Variants in RASA2 observed in about 807,000 individuals in gnomAD.
RASA2 encodes the protein ras GTPase-activating protein 2.
RASA2 carries 155 observed loss-of-function variants against 118.2 expected under a neutral mutation model. That is an observed-to-expected ratio of 1.31 (90% CI 1.15 to 1.50). The LOEUF (loss-of-function observed/expected upper bound fraction) is 1.50, where lower values mean the gene tolerates loss of function less well. Among genes scored for constraint, RASA2 ranks in the 40% most tolerant of loss-of-function variants. The pLI, the probability that RASA2 is intolerant of heterozygous loss-of-function variation, is 0.00. For missense variants in RASA2, 1,016 were observed against 1,009.6 expected (o/e 1.01, Z -0.09); for synonymous variants, 353 against 349.1 (o/e 1.01, Z -0.12).
At chr3:141,610,173 G>A (rs924926776) in intron 23 of RASA2, 107 bp downstream of exon 23, 26 of 928,518 alleles carry the variant, frequency 2.8e-5, no homozygotes, top group Non-Finnish European at 3.8e-5. Flanking sequence ...TCAACATCCC[G>A]CTCAGGGCCA....
At chr3:141,488,027 A>G (rs542368270) in intron 1 of RASA2, among the ~76,000 whole-genome samples, 2 of 152,302 alleles carry the variant, frequency 1.3e-5, no homozygotes, top group Non-Finnish European at 2.9e-5. Context: ...TGTAATTGCT[A>G]CTTTAGTGAG....
In RASA2 at chr3:141,577,862, A is replaced by G. The variant is rs146794756; in HGVS notation, c.1590+756A>G. ...GTTCTGGAGTCCTGTTTAATTACCA[A>G]AAATCTAAATCTCCACTGCATAGAT... On this transcript the variant is annotated intron_variant, in intron 15 of 23. Transcript: ENST00000286364. Among the ~76,000 whole-genome samples, 475 of 152,292 alleles carry G rather than the reference A, an allele frequency of 3.1e-3. 4 individuals are homozygous for G. The highest frequency in any genetic ancestry group is 0.01 in the African/African-American group (436 of 41,564).
intron 19 of RASA2, among the ~76,000 whole-genome samples, chr3:141,591,440 T>C (rs1470104147): frequency 2.6e-5 from 4 of 152,180 alleles, no homozygotes; most frequent in Non-Finnish European, 5.9e-5. Flanking sequence ...TACTGTGTGG[T>C]CATTACTTTT....
In RASA2 at chr3:141,518,482, C is replaced by CAAAAAAA. The variant is rs777543417; in HGVS notation, c.355+2081_355+2087dup. On this transcript the variant is annotated intron_variant, in intron 3 of 23. Coordinates refer to ENST00000286364, the MANE Select transcript of RASA2 (RefSeq NM_006506.5). ...TCGGCAACAGAGCAAGACACCATCT[C>CAAAAAAA]AAAAAAAAAAAAAAAAAAAAAAAAA... is the stretch of plus-strand genomic sequence containing the variant. Among the ~76,000 whole-genome samples the CAAAAAAA allele has an allele frequency of 4.1e-4, 11 of 27,048 alleles. 1 individual carries two copies. Among genetic ancestry groups the CAAAAAAA allele is most frequent in the East Asian group, 3.1e-3 (2 of 648 alleles). 17.7% of individuals were successfully genotyped at this position (27,048 alleles called of 152,430 possible). A position where few individuals can be genotyped will look rare whatever the true frequency, so the allele number is the denominator to read the frequency against.
chr3:141,611,576 G>A (rs141146563), intron 23 of RASA2, among the ~76,000 whole-genome samples: 86 of 152,210 alleles, frequency 5.7e-4, no homozygotes, highest in African/African-American at 1.9e-3. Context: ...CTAGAGAAAC[G>A]GAGGCTTAGG....
intron 19 of RASA2, among the ~76,000 whole-genome samples, chr3:141,591,702 A>G (rs2083287170): frequency 6.6e-6 from 1 of 152,218 alleles, no homozygotes; most frequent in Non-Finnish European, 1.5e-5. Flanking sequence ...ACACATATAC[A>G]TACACACAAC....
Position 141,592,492 on chromosome 3 carries a change from G to A in RASA2, c.1933+5740G>A, listed in dbSNP as rs543371378. 1.1e-4 allele frequency among the ~76,000 whole-genome samples: 17 copies of A among 152,258 alleles called. No homozygotes were observed. The South Asian group carries it at 3.1e-3, about 28-fold the overall frequency. ...GAGTAAAATGGAAAGACATTGGAGA[G>A]GTTTAAGCAGAAGAATAACATTGTT... On this transcript the variant is annotated intron_variant, in intron 19 of 23. Coordinates refer to ENST00000286364, the MANE Select transcript of RASA2 (RefSeq NM_006506.5).
chr3:141,561,163 T>A (rs746462862), intron 9 of RASA2, among the ~76,000 whole-genome samples: 1 of 152,184 alleles, frequency 6.6e-6, no homozygotes, highest in Non-Finnish European at 1.5e-5. Flanking sequence ...ACACCATGTC[T>A]TCCACCTTCC....
chr3:141,569,262 A>T (rs1269091288), intron 9 of RASA2, among the ~76,000 whole-genome samples: 11 of 152,188 alleles, frequency 7.2e-5, no homozygotes, highest in Admixed American at 2.6e-4. Flanking sequence ...ATTATTTTAG[A>T]TAAATAAATT....
chr3:141,610,544 G>T (rs2083634147), intron 23 of RASA2, among the ~76,000 whole-genome samples: 1 of 146,604 alleles, frequency 6.8e-6, no homozygotes, highest in Non-Finnish European at 1.5e-5. Flanking sequence ...AGGCTGGAGT[G>T]CAGTGGTGTG....
chr3:141,531,561 A>G (rs990852561), intron 4 of RASA2, among the ~76,000 whole-genome samples: 1 of 151,928 alleles, frequency 6.6e-6, no homozygotes, highest in Non-Finnish European at 1.5e-5. Flanking sequence ...ATATGCATGT[A>G]TATATACACA....
intron 1 of RASA2, among the ~76,000 whole-genome samples, chr3:141,499,462 GAGTCTCGGCT>G (rs2081747339): frequency 6.6e-6 from 1 of 152,114 alleles, no homozygotes; most frequent in African/African-American, 2.4e-5. Context: ...TTGCTTCACT[GAGTCTCGGCT>G]AGCCACCCAA....
intron 3 of RASA2, chr3:141,526,218 T>G (rs1259470965): frequency 6.6e-6 from 1 of 152,206 alleles, no homozygotes; most frequent in African/African-American, 2.4e-5. Context: ...TGGTAGAGAC[T>G]CAGTAAATGC....
intron 5 of RASA2, among the ~76,000 whole-genome samples, chr3:141,549,604 G>A (rs920790640): frequency 3.9e-5 from 6 of 152,012 alleles, no homozygotes; most frequent in African/African-American, 1.5e-4. Context: ...GTAGCCACTA[G>A]CCATGTGTGG....
chr3:141,583,533 G>A (rs758311822), intron 17 of RASA2, among the ~76,000 whole-genome samples: 6 of 152,176 alleles, frequency 3.9e-5, no homozygotes, highest in Non-Finnish European at 8.8e-5. Context: ...CTCCATTAGT[G>A]CATGGTCCAT....
intron 4 of RASA2, among the ~76,000 whole-genome samples, chr3:141,531,228 A>G (rs1393779593): frequency 6.6e-6 from 1 of 152,008 alleles, no homozygotes; most frequent in African/African-American, 2.4e-5. Flanking sequence ...ATTTAAACTG[A>G]AATTTTATGA....
chr3:141,610,389 ATTTATAT>A (rs2083624052), intron 23 of RASA2, among the ~76,000 whole-genome samples: 2 of 114,386 alleles, frequency 1.7e-5, no homozygotes, highest in Non-Finnish European at 3.5e-5. Flanking sequence ...TATATTATAT[ATTTATAT>A]TTATATATTA....
intron 1 of RASA2, among the ~76,000 whole-genome samples, chr3:141,497,573 GT>G (rs11295326): frequency 0.13 from 19,613 of 151,938 alleles, 1,822 homozygotes; most frequent in East Asian, 0.24. Context: ...TTTCTGTTAA[GT>G]TTTTTTGGTA....
intron 6 of RASA2, among the ~76,000 whole-genome samples, chr3:141,554,176 A>G (rs2082614986): frequency 6.6e-6 from 1 of 152,218 alleles, no homozygotes; most frequent in Non-Finnish European, 1.5e-5. Context: ...GGCTTTAAGG[A>G]ACAACTTCAG....
Sources: gnomAD v4.1 joint callset for allele counts (sites outside exome capture counted in the v4.1 genomes callset) on GRCh38, gnomAD v4.1.1 for gene constraint, MANE v1.5 for transcripts, NCBI Gene and HGNC (gene_info 2026-07-23, HGNC 2026-07-21) for gene names.